Variants in RHOT1 observed in about 807,000 individuals in gnomAD.
The protein encoded by RHOT1 is ras homolog family member T1.
In RHOT1, 27 loss-of-function variants were observed where a neutral mutation model predicts 95.3. The ratio of observed to expected loss-of-function variants is 0.28; its 90% CI spans 0.21 to 0.39. The LOEUF (loss-of-function observed/expected upper bound fraction) is 0.39. RHOT1 is among the 10% of genes least tolerant of loss of function. The probability of loss-of-function intolerance (pLI) is 1.00; values close to 1 mark genes in which losing one functional copy is unlikely to be tolerated. For missense variants in RHOT1, 578 were observed against 786.7 expected (o/e 0.73, Z 3.17); for synonymous variants, 227 against 263.5 (o/e 0.86, Z 1.34).
chr17:32,214,517 A>T (rs1306184848), intron 19 of RHOT1, among the ~76,000 whole-genome samples: 1 of 152,246 alleles, frequency 6.6e-6, no homozygotes, highest in East Asian at 1.9e-4. Flanking sequence ...ATAGAGGCCA[A>T]GGAAAAGGAC....
intron 1 of RHOT1, among the ~76,000 whole-genome samples, chr17:32,147,547 G>A (rs1019738041): frequency 2.0e-5 from 3 of 151,980 alleles, no homozygotes; most frequent in Admixed American, 6.6e-5. Context: ...AAACTGGCCG[G>A]GCGCGGTGGC....
In RHOT1 at chr17:32,182,325, ATT is replaced by A. The variant is rs200460105; in HGVS notation, c.330-424_330-423del. Among the ~76,000 whole-genome samples the A allele has an allele frequency of 6.1e-3, 892 of 146,222 alleles. 6 individuals are homozygous for A. The highest frequency in any genetic ancestry group is 0.02 in the African/African-American group (822 of 40,118). ...AGACCCTTCTCTACAAAAAAAAAAA[ATT>A]TTTTTTTAATTTGCTGGATGTGGTG... On this transcript the variant is annotated intron_variant, in intron 6 of 19. Transcript: ENST00000545287.
rs1427269953 is a variant in RHOT1, at chr17:32,161,270, G to C, written c.38-9773G>C. Among the ~76,000 whole-genome samples, 4 of 152,176 alleles carry C rather than the reference G, an allele frequency of 2.6e-5. No individual in the cohort carries two copies. In the East Asian group the frequency reaches 7.7e-4, roughly 29 times the overall value. On this transcript the variant is annotated intron_variant, in intron 1 of 19. Transcript: ENST00000545287. ...CATCGGGATGTGGAAAACGTTCCTC[G>C]TGCTCAGTCAGCCGCTGATTGGGGG...
intron 1 of RHOT1, 106 bp downstream of exon 1, chr17:32,142,835 C>G (rs2030573293): frequency 1.1e-6 from 1 of 950,806 alleles, no homozygotes; most frequent in Non-Finnish European, 1.6e-6. Context: ...AGCCCCGGCC[C>G]TTCTCGCGCC....
At chr17:32,188,369 T>C (rs80221849) in intron 8 of RHOT1, among the ~76,000 whole-genome samples, 2,787 of 152,358 alleles carry the variant, frequency 0.018, 37 homozygotes, top group South Asian at 0.025. Flanking sequence ...TCAATTGGAA[T>C]TGATTAATCT....
intron 18 of RHOT1, 101 bp from the exon 19 acceptor site, chr17:32,211,015 T>G: frequency 8.4e-7 from 1 of 1,193,126 alleles, no homozygotes; most frequent in Non-Finnish European, 1.2e-6. Context: ...ACAAAGAGTG[T>G]TGCTTATGCC....
intron 1 of RHOT1, among the ~76,000 whole-genome samples, chr17:32,154,615 G>A (rs1418765986): frequency 7.4e-5 from 11 of 148,494 alleles, no homozygotes; most frequent in African/African-American, 2.0e-4. Context: ...AAAATTGACC[G>A]GGTGCAGTGG....
intron 16 of RHOT1, among the ~76,000 whole-genome samples, chr17:32,204,612 A>T (rs995607619): frequency 6.6e-6 from 1 of 150,590 alleles, no homozygotes; most frequent in African/African-American, 2.5e-5. Flanking sequence ...AGATATAAAT[A>T]AAAATTCATC....
chr17:32,150,684 T>C, intron 1 of RHOT1: 1 of 1,600,292 alleles, frequency 6.2e-7, no homozygotes, highest in East Asian at 2.2e-5. Context: ...TATACAGTTC[T>C]ATGATTTGGG....
rs564191530 is a variant in RHOT1 at position 32,162,509 on chromosome 17, G to A, written c.38-8534G>A. Among the ~76,000 whole-genome samples, 8 of 152,118 alleles carry A rather than the reference G, an allele frequency of 5.3e-5. No individual in the cohort carries two copies. In the South Asian group the frequency reaches 1.0e-3, roughly 20 times the overall value. On this transcript the variant is annotated intron_variant, in intron 1 of 19. Coordinates refer to ENST00000545287, the MANE Select transcript of RHOT1 (RefSeq NM_001033566.3). ...AGCGACCTGTTATTCCCAGTTCTCCGGTTGCTGTTAAGAAAATCTTTGAAT... is the reference window on the plus strand; with the variant it reads ...AGCGACCTGTTATTCCCAGTTCTCCAGTTGCTGTTAAGAAAATCTTTGAAT...
intron 11 of RHOT1, among the ~76,000 whole-genome samples, chr17:32,195,383 C>T (rs948324391): frequency 2.0e-5 from 3 of 152,028 alleles, no homozygotes; most frequent in African/African-American, 7.3e-5. Context: ...TAAGGTGCTG[C>T]GATTACAGAC....
intron 18 of RHOT1, among the ~76,000 whole-genome samples, chr17:32,210,719 T>C (rs2038072655): frequency 1.3e-5 from 2 of 152,176 alleles, no homozygotes; most frequent in South Asian, 2.1e-4. Flanking sequence ...GGAATCGTTA[T>C]TTAAACGCTA....
intron 6 of RHOT1, among the ~76,000 whole-genome samples, chr17:32,182,325 A>AT (rs200460105): frequency 1.4e-5 from 2 of 146,134 alleles, no homozygotes; most frequent in South Asian, 2.3e-4. Flanking sequence ...AAAAAAAAAA[A>AT]TTTTTTTTTA....
intron 14 of RHOT1, among the ~76,000 whole-genome samples, chr17:32,202,140 G>A (rs557254050): frequency 1.4e-4 from 21 of 152,270 alleles, no homozygotes; most frequent in Non-Finnish European, 2.2e-4. Context: ...TCAATCTCTT[G>A]ACCTTGTGAT....
At chr17:32,164,184 G>A (rs2033835914) in intron 1 of RHOT1, among the ~76,000 whole-genome samples, 1 of 152,122 alleles carries the variant, frequency 6.6e-6, no homozygotes, top group Admixed American at 6.6e-5. Flanking sequence ...ATGAAAGAAT[G>A]CATTTAACCT....
At chr17:32,158,900 G>A (rs540388658) in intron 1 of RHOT1, among the ~76,000 whole-genome samples, 29 of 152,344 alleles carry the variant, frequency 1.9e-4, no homozygotes, top group Middle Eastern at 3.4e-3. Context: ...GCCATCTGGA[G>A]TGGCCATCAG....
At chr17:32,161,929 G>A (rs1384681303) in intron 1 of RHOT1, among the ~76,000 whole-genome samples, 1 of 152,194 alleles carries the variant, frequency 6.6e-6, no homozygotes, top group East Asian at 1.9e-4. Flanking sequence ...ATGGGGAAAG[G>A]TCTGGAAGAG....
In RHOT1 at chr17:32,225,082, C is replaced by G. The variant is rs2039057484; in HGVS notation, c.*349C>G. 1.2e-5 allele frequency: 2 copies of G among 162,560 alleles called. No individual in the cohort carries two copies. The highest frequency in any genetic ancestry group is 3.4e-4 in the South Asian group (2 of 5,816). The allele number at this position is 162,560 out of a possible 1,614,324, so 10.1% of individuals were successfully genotyped here. On this transcript the variant is annotated 3_prime_UTR_variant, in exon 20 of 20. Transcript: ENST00000545287. ...GTATTGTTAGTGCTCACTTGGCTCA[C>G]TCTTCTAGGTTTAAGTTAGCCCAGA...
At chr17:32,149,328 A>C (rs1043249127) in intron 1 of RHOT1, among the ~76,000 whole-genome samples, 7 of 151,112 alleles carry the variant, frequency 4.6e-5, no homozygotes, top group African/African-American at 1.7e-4. Flanking sequence ...AAGTTTAATT[A>C]GTGTAATTTA....
Sources: gnomAD v4.1 joint callset for allele counts (sites outside exome capture counted in the v4.1 genomes callset) on GRCh38, gnomAD v4.1.1 for gene constraint, MANE v1.5 for transcripts, NCBI Gene and HGNC (gene_info 2026-07-23, HGNC 2026-07-21) for gene names.